TUSC3: variants seen among roughly 807,000 people sequenced by gnomAD.
TUSC3 encodes the protein dolichyl-diphosphooligosaccharide--protein glycosyltransferase subunit TUSC3.
Under a neutral mutation model 44.8 loss-of-function variants are expected in TUSC3, and 45 were observed. The ratio of observed to expected loss-of-function variants is 1.00; its 90% CI spans 0.79 to 1.29. TUSC3 has a LOEUF of 1.29. TUSC3 is among the 50% of genes most tolerant of loss of function. TUSC3 has a pLI of 0.00. For synonymous variants in TUSC3, 212 were observed against 152.9 expected (o/e 1.39, Z -2.85); for missense variants, 519 against 437.9 (o/e 1.19, Z -1.65).
the TUSC3 span, among the ~76,000 whole-genome samples, chr8:15,845,207 G>C: frequency 6.6e-6 from 1 of 152,148 alleles, no homozygotes; most frequent in Non-Finnish European, 1.5e-5. Context: ...TGAGTGGTAA[G>C]TCTAATCAGA....
intron 1 of TUSC3, among the ~76,000 whole-genome samples, chr8:15,433,146 T>TTATTATAATTTTTTAAAGATGA (rs1271048709): frequency 6.6e-5 from 10 of 152,124 alleles, no homozygotes; most frequent in African/African-American, 1.7e-4. Flanking sequence ...TTTCAGATTT[T>TTATTATAATTTTTTAAAGATGA]TATTATAATT....
chr8:15,435,016 A>G (rs1261572535), intron 1 of TUSC3, among the ~76,000 whole-genome samples: 1 of 148,218 alleles, frequency 6.7e-6, no homozygotes, highest in African/African-American at 2.6e-5. Context: ...GTGTCTTTAT[A>G]GCAGCATGAT....
At chr8:15,682,604 C>A (rs1961471) in intron 6 of TUSC3, among the ~76,000 whole-genome samples, 32,194 of 151,814 alleles carry the variant, frequency 0.21, 4,276 homozygotes, top group Non-Finnish European at 0.3. Context: ...GCAGTTTTCC[C>A]CTGTGTGTCT....
At chr8:15,662,051 C>A in intron 4 of TUSC3, 105 bp from the exon 5 acceptor site, 1 of 1,274,144 alleles carries the variant, frequency 7.8e-7, no homozygotes, top group Non-Finnish European at 1.1e-6. Context: ...AGTTGGGTGG[C>A]ATGTTTCTGA....
At chr8:15,648,212 A>AT (rs1806715063) in intron 2 of TUSC3, among the ~76,000 whole-genome samples, 1 of 152,102 alleles carries the variant, frequency 6.6e-6, no homozygotes, top group Non-Finnish European at 1.5e-5. Flanking sequence ...GTCTTCTAAC[A>AT]TTGGTGTTTT....
chr8:15,682,809 TTC>T (rs1055020834), intron 6 of TUSC3, among the ~76,000 whole-genome samples: 12 of 142,758 alleles, frequency 8.4e-5, no homozygotes, highest in African/African-American at 2.8e-4. Context: ...GTCTAGAACT[TTC>T]TTTTTTTTTT....
rs1319172085 is a variant in TUSC3 at position 15,580,903 on chromosome 8, T to C, written c.138+40335T>C. On this transcript the variant is annotated intron_variant, in intron 1 of 10. Transcript: ENST00000503731. ...GGGGAAGTTCTCCTGGATAATATCC[T>C]GCAGAGTGTTTTCCAACTTGGTTCC... 3.3e-4 allele frequency among the ~76,000 whole-genome samples: 45 copies of C among 136,952 alleles called. 2 individuals are homozygous for C. The highest frequency in any genetic ancestry group is 5.9e-4 in the Non-Finnish European group (38 of 64,342). The allele number at this position is 136,952 out of a possible 152,430, so 89.8% of individuals were successfully genotyped here.
At chr8:15,579,218 TTA>T (rs1331971401) in intron 1 of TUSC3, among the ~76,000 whole-genome samples, 1 of 145,918 alleles carries the variant, frequency 6.9e-6, no homozygotes, top group Non-Finnish European at 1.5e-5. Context: ...TTTTTCTTTA[TTA>T]GTCTTGCTAG....
chr8:15,443,916 A>C (rs11775191), intron 1 of TUSC3, among the ~76,000 whole-genome samples: 4 of 151,704 alleles, frequency 2.6e-5, no homozygotes, highest in Non-Finnish European at 5.9e-5. Flanking sequence ...CAAGAGGACA[A>C]CTTCAATTCT....
chr8:15,532,651 T>C (rs1013777014), intron 2 of TUSC3, among the ~76,000 whole-genome samples: 7 of 152,170 alleles, frequency 4.6e-5, no homozygotes, highest in Non-Finnish European at 7.4e-5. Flanking sequence ...GGGGGTGATA[T>C]GGTTTGGTTC....
upstream of TUSC3, among the ~76,000 whole-genome samples, chr8:15,535,961 A>G (rs1801516628): frequency 6.6e-6 from 1 of 152,206 alleles, no homozygotes; most frequent in Non-Finnish European, 1.5e-5. Context: ...CCCAATACAA[A>G]TTCATAAACT....
the TUSC3 span, among the ~76,000 whole-genome samples, chr8:15,799,168 A>C: frequency 6.6e-6 from 1 of 152,122 alleles, no homozygotes; most frequent in African/African-American, 2.4e-5. Flanking sequence ...GGTTGTCTTA[A>C]GTGGATCCAC....
chr8:15,731,313 A>G (rs1345912548), intron 7 of TUSC3, among the ~76,000 whole-genome samples: 1 of 152,164 alleles, frequency 6.6e-6, no homozygotes, highest in African/African-American at 2.4e-5. Flanking sequence ...TAATGTGAAT[A>G]TTCTTAGAAT....
intron 1 of TUSC3, among the ~76,000 whole-genome samples, chr8:15,556,465 C>T (rs573743786): frequency 5.3e-5 from 8 of 151,456 alleles, no homozygotes; most frequent in Non-Finnish European, 8.8e-5. Flanking sequence ...AGTAAACATA[C>T]GTGTGCATGT....
At chr8:15,539,436 T>A (rs1801597607), upstream of TUSC3, among the ~76,000 whole-genome samples, 1 of 131,446 alleles carries the variant, frequency 7.6e-6, no homozygotes, top group African/African-American at 2.8e-5. Flanking sequence ...CACTGCAACC[T>A]CTGCCTCCCG....
intron 6 of TUSC3, among the ~76,000 whole-genome samples, chr8:15,705,312 G>A (rs1809572055): frequency 6.6e-6 from 1 of 151,774 alleles, no homozygotes; most frequent in African/African-American, 2.4e-5. Flanking sequence ...GATTTACTTT[G>A]AACAAAAACT....
In TUSC3 at chr8:15,420,514, A is replaced by G. The variant is rs141695190; in HGVS notation, n.91+3209A>G. Reference sequence around the variant, plus strand: ...CTCTGTCTCATAAAGAAAAAAAAAAAGTTGTGTGGAATCTGCTTCTGTATG... The same window carrying G: ...CTCTGTCTCATAAAGAAAAAAAAAAGGTTGTGTGGAATCTGCTTCTGTATG... On this transcript the variant is annotated intron_variant and non_coding_transcript_variant, in intron 1 of 5. Transcript: ENST00000503191. 1.6e-3 allele frequency among the ~76,000 whole-genome samples: 245 copies of G among 151,974 alleles called. 1 individual carries two copies. Among genetic ancestry groups the G allele is most frequent in the African/African-American group, 5.6e-3 (230 of 41,430 alleles).
intron 4 of TUSC3, among the ~76,000 whole-genome samples, chr8:15,660,474 C>T (rs1299053017): frequency 1.3e-5 from 2 of 152,042 alleles, no homozygotes; most frequent in East Asian, 1.9e-4. Flanking sequence ...TTCATACTTA[C>T]TTGGAGATTT....
chr8:15,465,035 A>G (rs1280107539), intron 1 of TUSC3, among the ~76,000 whole-genome samples: 1 of 152,080 alleles, frequency 6.6e-6, no homozygotes, highest in Non-Finnish European at 1.5e-5. Flanking sequence ...TTTTTAGTAG[A>G]GACAGAGTTT....
Sources: gnomAD v4.1 joint callset for allele counts (sites outside exome capture counted in the v4.1 genomes callset) on GRCh38, gnomAD v4.1.1 for gene constraint, MANE v1.5 for transcripts, NCBI Gene and HGNC (gene_info 2026-07-23, HGNC 2026-07-21) for gene names.